LPCAT1: variants seen among roughly 807,000 people sequenced by gnomAD.
LPCAT1 encodes 1-acylglycerol-3-phosphate O-acyltransferase.
LPCAT1 carries 23 observed loss-of-function variants against 60.9 expected under a neutral mutation model. The ratio of observed to expected loss-of-function variants is 0.38; its 90% CI spans 0.27 to 0.53. The LOEUF is 0.53. LPCAT1 is among the 20% of genes least tolerant of loss of function. LPCAT1 has a pLI of 0.82. For missense variants in LPCAT1, 622 were observed against 723.6 expected, an observed-to-expected ratio of 0.86 and a Z score of 1.61; for synonymous variants, 340 against 301.1, an observed-to-expected ratio of 1.13 and a Z score of -1.34.
Position 1,519,702 on chromosome 5 carries a change from C to T in LPCAT1, c.135+4008G>A, listed in dbSNP as rs541723206. Reference sequence around the variant, plus strand: ...GGCAAAGGATGACAGTGACCAGAGGCGAGGACACGGGAAAATGACGCTTGG... The same window carrying T: ...GGCAAAGGATGACAGTGACCAGAGGTGAGGACACGGGAAAATGACGCTTGG... On this transcript the variant is annotated intron_variant, in intron 1 of 13. Transcript: ENST00000283415. 3.9e-5 allele frequency among the ~76,000 whole-genome samples: 6 copies of T among 152,166 alleles called. No homozygotes were observed. In the South Asian group the frequency reaches 1.2e-3, roughly 31 times the overall value.
rs1734163363 is a variant in LPCAT1, at chr5:1,462,925, CCCAGCGGAAGGAGAGGGATTA to C, written c.*705_*725del. The C allele has an allele frequency of 6.6e-6, 1 of 151,766 alleles. No individual in the cohort carries two copies. The highest frequency in any genetic ancestry group is 2.4e-5 in the African/African-American group (1 of 41,262). 9.4% of individuals were successfully genotyped at this position (151,766 alleles called of 1,614,324 possible). ...CTTGAGTTCACACCTCCCCAGGGGA[CCCAGCGGAAGGAGAGGGATTA>C]CCTGCTGGAGAGAGGCCTGATGGAA... On this transcript the variant is annotated 3_prime_UTR_variant, in exon 14 of 14. Transcript: ENST00000283415.
chr5:1,469,420 C>T (rs1734578437), intron 12 of LPCAT1, among the ~76,000 whole-genome samples: 1 of 152,236 alleles, frequency 6.6e-6, no homozygotes, highest in African/African-American at 2.4e-5. Context: ...AAGGCAACTG[C>T]CACCCCCACC....
chr5:1,466,177 C>T (rs1024048295), intron 13 of LPCAT1, among the ~76,000 whole-genome samples: 2 of 152,194 alleles, frequency 1.3e-5, no homozygotes, highest in Admixed American at 6.5e-5. Flanking sequence ...CTCGGGTTTG[C>T]GGATTTTGCA....
rs537388042 is a variant in LPCAT1 at position 1,506,543 on chromosome 5, C to A, written c.136-4940G>T. ...TGGGTCTGGATGGACTCTAGCCCCC[C>A]AGGAGATGCCAGTATGGCAGAGCTG... On this transcript the variant is annotated intron_variant, in intron 1 of 13. Transcript: ENST00000283415. Among the ~76,000 whole-genome samples, 3 of 152,376 alleles carry A rather than the reference C, an allele frequency of 2.0e-5. No individual in the cohort carries two copies. The South Asian group carries it at 6.2e-4, about 32-fold the overall frequency.
chr5:1,501,147 G>A (rs921610166), intron 2 of LPCAT1, among the ~76,000 whole-genome samples: 3 of 152,234 alleles, frequency 2.0e-5, no homozygotes, highest in African/African-American at 7.2e-5. Context: ...AGCCCCAGCA[G>A]GTTCTGGAGC....
chr5:1,472,951 G>T (rs893292979), intron 11 of LPCAT1, among the ~76,000 whole-genome samples: 1 of 152,080 alleles, frequency 6.6e-6, no homozygotes, highest in Admixed American at 6.5e-5. Context: ...GCATACTTGC[G>T]GGGCAGCCTC....
chr5:1,507,311 G>A (rs763605952), intron 1 of LPCAT1, among the ~76,000 whole-genome samples: 9 of 152,232 alleles, frequency 5.9e-5, no homozygotes, highest in Non-Finnish European at 1.0e-4. Flanking sequence ...GCCAGTTGGA[G>A]GAAGCAATAT....
chr5:1,489,827 C>A lies in LPCAT1; in HGVS notation c.525G>T (p.Val175=), dbSNP rs904848030. Residue 175 remains valine, a synonymous_variant, in exon 4 of 14, where the codon GTG becomes GTT. Coordinates refer to ENST00000283415, the MANE Select transcript of LPCAT1 (RefSeq NM_024830.5). ...TLIQYIRPVF[V]SRSDQDSRRK... ...TGCGAGAATCCTGGTCTGACCGGGA[C>A]ACGAACACAGGCCGTATATACTGGA... 17 of 1,613,804 alleles carry A rather than the reference C, an allele frequency of 1.1e-5. No individual in the cohort carries two copies. Among genetic ancestry groups the A allele is most frequent in the Non-Finnish European group, 1.4e-5 (16 of 1,179,786 alleles).
Position 1,471,742 on chromosome 5 carries a change from A to T in LPCAT1, c.1180-818T>A, listed in dbSNP as rs560023569. 7.9e-5 allele frequency among the ~76,000 whole-genome samples: 12 copies of T among 151,546 alleles called. 1 individual carries two copies. Among genetic ancestry groups the T allele is most frequent in the Admixed American group, 7.9e-4 (12 of 15,258 alleles). On this transcript the variant is annotated intron_variant, in intron 11 of 13. Coordinates refer to ENST00000283415, the MANE Select transcript of LPCAT1 (RefSeq NM_024830.5). ...GAGGGCTCCCAGGTTGGAGAGAACA[A>T]GAGAAGGTGGGGAGCACACAGGATA...
Position 1,463,139 on chromosome 5 carries a change from C to T in LPCAT1, c.*512G>A, listed in dbSNP as rs1268161003. On this transcript the variant is annotated 3_prime_UTR_variant, in exon 14 of 14. Coordinates refer to ENST00000283415, the MANE Select transcript of LPCAT1 (RefSeq NM_024830.5). ...ACCTAAATGGAGTTTATAAAATACT[C>T]ATGAGCTCCAGCACACAGGTAGAAA... The T allele has an allele frequency of 6.5e-6, 1 of 153,538 alleles. No homozygotes were observed. Among genetic ancestry groups the T allele is most frequent in the Non-Finnish European group, 1.4e-5 (1 of 69,030 alleles). 9.5% of individuals were successfully genotyped at this position (153,538 alleles called of 1,614,324 possible).
At chr5:1,515,066 A>C (rs1736464567) in intron 1 of LPCAT1, among the ~76,000 whole-genome samples, 1 of 151,670 alleles carries the variant, frequency 6.6e-6, no homozygotes, top group Non-Finnish European at 1.5e-5. Flanking sequence ...TGGGAGCCCC[A>C]CCCCCAGCAC....
intron 1 of LPCAT1, among the ~76,000 whole-genome samples, chr5:1,505,074 C>T (rs540085963): frequency 6.0e-5 from 9 of 149,720 alleles, no homozygotes; most frequent in Non-Finnish European, 8.9e-5. Flanking sequence ...GAAACAGCAC[C>T]GACTGCAACA....
rs1277889414 is a variant in LPCAT1, at chr5:1,479,476, G to A, written c.816+145C>T. On this transcript the variant is annotated intron_variant, in intron 8 of 13. Transcript: ENST00000283415. ...GAGGTAAAGCAACCAGAGGCTCCTC[G>A]AAGGAGCCCTGAGAAACGGAAAGAT... 5 of 669,952 alleles carry A rather than the reference G, an allele frequency of 7.5e-6. No homozygotes were observed. In the East Asian group the frequency reaches 8.0e-5, roughly 11 times the overall value. The allele number at this position is 669,952 out of a possible 1,614,324, so 41.5% of individuals were successfully genotyped here. A position where few individuals can be genotyped will look rare whatever the true frequency, so the allele number is the denominator to read the frequency against.
intron 1 of LPCAT1, among the ~76,000 whole-genome samples, chr5:1,517,858 C>G (rs1478700075): frequency 6.6e-6 from 1 of 152,242 alleles, no homozygotes; most frequent in African/African-American, 2.4e-5. Flanking sequence ...CCACCCCTGG[C>G]AGTGCCTCCC....
rs1341995231 is a variant in LPCAT1, at chr5:1,523,768, G to A, written c.77C>T (p.Pro26Leu). The A allele has an allele frequency of 9.5e-6, 11 of 1,156,098 alleles. No individual in the cohort carries two copies. The highest frequency in any genetic ancestry group is 4.7e-5 in the Admixed American group (1 of 21,492). 71.6% of individuals were successfully genotyped at this position (1,156,098 alleles called of 1,614,324 possible). A position where few individuals can be genotyped will look rare whatever the true frequency, so the allele number is the denominator to read the frequency against. ...AGASDARLLA[P>L]PGRNPFVHEL... ...GTGCACGAAGGGGTTCCGCCCCGGG[G>A]GCGCCAGCAGCCGAGCGTCGCTGGC... The change falls in exon 1 of 14, where the codon CCC becomes CTC. Residue 26 changes from proline (P) to leucine (L), a missense_variant. Transcript: ENST00000283415. The surrounding 1 kb of genome is among the most constrained non-coding windows in gnomAD (Gnocchi z 7.1).
intron 1 of LPCAT1, among the ~76,000 whole-genome samples, chr5:1,505,822 G>A (rs1040176407): frequency 2.0e-5 from 3 of 152,202 alleles, no homozygotes; most frequent in Admixed American, 6.5e-5. Flanking sequence ...CTTCGTGCAC[G>A]GGGAGGACTG....
chr5:1,508,951 A>G (rs1460622438), intron 1 of LPCAT1, among the ~76,000 whole-genome samples: 1 of 152,272 alleles, frequency 6.6e-6, no homozygotes. Context: ...CGAGGTTGCC[A>G]GAGAACATGT....
At chr5:1,472,795 G>A (rs28698273) in intron 11 of LPCAT1, among the ~76,000 whole-genome samples, 1 of 152,020 alleles carries the variant, frequency 6.6e-6, no homozygotes, top group South Asian at 2.1e-4. Flanking sequence ...CCCGCGGCTG[G>A]GGGCCCCTTA....
chr5:1,484,766 C>A (rs1446132546), intron 5 of LPCAT1, among the ~76,000 whole-genome samples: 3 of 152,232 alleles, frequency 2.0e-5, no homozygotes, highest in African/African-American at 7.2e-5. Context: ...CCACCTGCAG[C>A]CTTGGTGTCC....
Sources: gnomAD v4.1 joint callset for allele counts (sites outside exome capture counted in the v4.1 genomes callset) on GRCh38, gnomAD v4.1.1 for gene constraint, Gnocchi (gnomAD v3.1) non-coding constraint, MANE v1.5 for transcripts, NCBI Gene and HGNC (gene_info 2026-07-23, HGNC 2026-07-21) for gene names.